SLC24A2: variants seen among roughly 807,000 people sequenced by gnomAD.
SLC24A2 encodes the protein solute carrier family 24 member 2, also known as sodium/potassium/calcium exchanger 2.
In SLC24A2, 36 loss-of-function variants were observed where a neutral mutation model predicts 62.0. The observed-to-expected ratio is 0.58, with a 90% CI of 0.44 to 0.77. The LOEUF (loss-of-function observed/expected upper bound fraction) is 0.77, where lower values mean the gene tolerates loss of function less well. Among genes scored for constraint, SLC24A2 ranks in the 30% least tolerant of loss-of-function variants. SLC24A2 has a pLI of 0.00. For synonymous variants in SLC24A2, 358 were observed against 294.0 expected (o/e 1.22, Z -2.23); for missense variants, 846 against 817.9 (o/e 1.03, Z -0.42).
chr9:19,837,428 C>T, the SLC24A2 span, among the ~76,000 whole-genome samples: 13 of 119,914 alleles, frequency 1.1e-4, no homozygotes, highest in South Asian at 3.1e-4. Context: ...GTCCGCAGTC[C>T]GGCCTGGGCG....
the SLC24A2 span, among the ~76,000 whole-genome samples, chr9:19,796,644 C>A: frequency 1.3e-5 from 2 of 152,232 alleles, no homozygotes; most frequent in African/African-American, 4.8e-5. Flanking sequence ...TTGTGAAAAT[C>A]TAGGTTAGAA....
the SLC24A2 span, among the ~76,000 whole-genome samples, chr9:20,210,325 A>T: frequency 2.0e-5 from 3 of 152,218 alleles, no homozygotes; most frequent in African/African-American, 4.8e-5. Flanking sequence ...CTAGAAAAGT[A>T]ATTTCTGACA....
intron 2 of SLC24A2, among the ~76,000 whole-genome samples, chr9:19,727,006 T>G (rs1821190867): frequency 1.3e-5 from 2 of 152,178 alleles, no homozygotes. Context: ...AATCCCAGAT[T>G]TATTGCTTGT....
intron 7 of SLC24A2, among the ~76,000 whole-genome samples, chr9:19,558,047 C>G (rs958722548): frequency 3.9e-5 from 6 of 152,142 alleles, no homozygotes; most frequent in African/African-American, 1.4e-4. Context: ...AAGTGATCCT[C>G]CTGCCTTGGC....
the SLC24A2 span, among the ~76,000 whole-genome samples, chr9:19,888,803 G>A: frequency 1.3e-5 from 2 of 152,144 alleles, no homozygotes; most frequent in East Asian, 1.9e-4. Context: ...GGGAAGAAAT[G>A]CCAAATGCCC....
At chr9:19,864,729 T>A in the SLC24A2 span, among the ~76,000 whole-genome samples, 2 of 152,202 alleles carry the variant, frequency 1.3e-5, no homozygotes, top group Admixed American at 1.3e-4. Flanking sequence ...ACAGCTAGTA[T>A]CATATTGAAT....
chr9:19,649,841 A>G (rs551610678), intron 2 of SLC24A2, among the ~76,000 whole-genome samples: 1 of 152,230 alleles, frequency 6.6e-6, no homozygotes, highest in African/African-American at 2.4e-5. Context: ...ATGACACAAT[A>G]TAGGAGCTAT....
intron 10 of SLC24A2, 74 bp downstream of exon 10, chr9:19,520,820 G>T (rs935619765): frequency 2.1e-6 from 3 of 1,438,820 alleles, no homozygotes; most frequent in African/African-American, 1.4e-5. Context: ...TCCTGGTCAT[G>T]TCTTTCCAGC....
chr9:19,875,452 G>T, the SLC24A2 span, among the ~76,000 whole-genome samples: 1 of 152,208 alleles, frequency 6.6e-6, no homozygotes, highest in African/African-American at 2.4e-5. Flanking sequence ...GGACAGCAAT[G>T]AGTCATTATG....
chr9:19,947,838 A>AAGAAAGAAAGAAAGAAAGAC, the SLC24A2 span, among the ~76,000 whole-genome samples: 1 of 150,638 alleles, frequency 6.6e-6, no homozygotes, highest in African/African-American at 2.4e-5. Context: ...GAAAGAAAGA[A>AAGAAAGAAAGAAAGAAAGAC]AGAAAGAAAG....
rs1259821151 is a variant in SLC24A2, at chr9:19,512,450, A to G, written c.*3703T>C. 6.6e-6 allele frequency: 1 copy of G among 152,216 alleles called. No individual in the cohort carries two copies. The highest frequency in any genetic ancestry group is 2.4e-5 in the African/African-American group (1 of 41,450). 9.4% of individuals were successfully genotyped at this position (152,216 alleles called of 1,614,324 possible). ...CAACCCTATCCCTTAGTCCCTGCAT[A>G]TATCATTGCTCTGTCACTGCCTGAC... On this transcript the variant is annotated 3_prime_UTR_variant, in exon 11 of 11. Coordinates refer to ENST00000341998, the MANE Select transcript of SLC24A2 (RefSeq NM_020344.4).
At chr9:19,768,995 C>T (rs1278913839) in intron 2 of SLC24A2, among the ~76,000 whole-genome samples, 2 of 152,176 alleles carry the variant, frequency 1.3e-5, no homozygotes, top group African/African-American at 2.4e-5. Context: ...ACATTATCTA[C>T]ACTCTCGTGT....
the SLC24A2 span, among the ~76,000 whole-genome samples, chr9:20,051,116 C>T: frequency 6.6e-6 from 1 of 152,024 alleles, no homozygotes; most frequent in Middle Eastern, 3.4e-3. Flanking sequence ...ACACAAGATT[C>T]AACAATATTT....
At chr9:20,156,691 T>G in the SLC24A2 span, among the ~76,000 whole-genome samples, 1 of 151,808 alleles carries the variant, frequency 6.6e-6, no homozygotes, top group South Asian at 2.1e-4. Flanking sequence ...CTGTTTATAC[T>G]GAATCCTAAA....
intron 5 of SLC24A2, among the ~76,000 whole-genome samples, chr9:19,587,251 T>G (rs1017660924): frequency 3.3e-5 from 5 of 152,174 alleles, no homozygotes; most frequent in Admixed American, 6.6e-5. Flanking sequence ...AACAAAATAA[T>G]TCTTTCTTTT....
chr9:19,530,211 C>T (rs1833636977), intron 8 of SLC24A2, among the ~76,000 whole-genome samples: 1 of 151,536 alleles, frequency 6.6e-6, no homozygotes, highest in Non-Finnish European at 1.5e-5. Flanking sequence ...CATCTGGTCA[C>T]AGTCACTGTT....
At chr9:20,024,171 T>C in the SLC24A2 span, among the ~76,000 whole-genome samples, 2 of 152,178 alleles carry the variant, frequency 1.3e-5, no homozygotes, top group Non-Finnish European at 2.9e-5. Flanking sequence ...CTTCAAAGCC[T>C]AGTTGGAGGA....
At chr9:19,735,458 A>C (rs1821479024) in intron 2 of SLC24A2, among the ~76,000 whole-genome samples, 1 of 152,136 alleles carries the variant, frequency 6.6e-6, no homozygotes, top group African/African-American at 2.4e-5. Context: ...GCGATTCCTC[A>C]GGGATCTAGA....
intron 2 of SLC24A2, among the ~76,000 whole-genome samples, chr9:19,725,043 A>G (rs140087381): frequency 8.8e-4 from 134 of 152,240 alleles, no homozygotes; most frequent in African/African-American, 3.1e-3. Context: ...TCTGTCTTAT[A>G]CTGTAGTTAT....
Sources: gnomAD v4.1 joint callset for allele counts (sites outside exome capture counted in the v4.1 genomes callset) on GRCh38, gnomAD v4.1.1 for gene constraint, MANE v1.5 for transcripts, NCBI Gene and HGNC (gene_info 2026-07-23, HGNC 2026-07-21) for gene names.